Variants in ITGA9 observed in about 807,000 individuals in gnomAD.
ITGA9 encodes integrin subunit alpha 9.
In ITGA9, 56 loss-of-function variants were observed where a neutral mutation model predicts 127.8. That is an observed-to-expected ratio of 0.44 (90% confidence interval 0.35 to 0.55). The LOEUF is 0.55. Among genes scored for constraint, ITGA9 ranks in the 20% least tolerant of loss-of-function variants. The pLI is 0.00. For missense variants in ITGA9, 1,196 were observed against 1,347.1 expected (o/e 0.89, Z 1.76); for synonymous variants, 508 against 514.5 (o/e 0.99, Z 0.17).
At chr3:37,591,438 CT>C (rs1178308406) in intron 15 of ITGA9, among the ~76,000 whole-genome samples, 2 of 152,204 alleles carry the variant, frequency 1.3e-5, no homozygotes, top group Non-Finnish European at 2.9e-5. Context: ...GAGTGCCCCC[CT>C]GGCTGTATAT....
At chr3:37,784,854 C>G in intron 25 of ITGA9, 123 bp from the exon 26 acceptor site, 1 of 755,896 alleles carries the variant, frequency 1.3e-6, no homozygotes, top group Non-Finnish European at 2.4e-6. Context: ...GTATCTAGTT[C>G]AATGATAAAA....
At chr3:37,500,988 A>AT (rs1172146794) in intron 5 of ITGA9, among the ~76,000 whole-genome samples, 4 of 151,814 alleles carry the variant, frequency 2.6e-5, no homozygotes, top group African/African-American at 4.8e-5. Flanking sequence ...TTTGCATAGA[A>AT]TTTTTTTCTG....
intron 2 of ITGA9, among the ~76,000 whole-genome samples, chr3:37,472,103 A>C (rs559998274): frequency 1.1e-4 from 16 of 152,276 alleles, no homozygotes; most frequent in Non-Finnish European, 1.9e-4. Context: ...TCTAGCAGAA[A>C]ATATAAGATC....
In ITGA9 at chr3:37,756,864, A is replaced by C. The variant is rs1440280583; in HGVS notation, c.2541+6295A>C. ...AAGCTAAAAACAAAAGGTTAGGCAA[A>C]CAACCAACCAAAAACAAATCCACTT... On this transcript the variant is annotated intron_variant, in intron 23 of 27. Transcript: ENST00000264741. Among the ~76,000 whole-genome samples the C allele has an allele frequency of 3.3e-5, 5 of 152,386 alleles. No individual in the cohort carries two copies. The South Asian group carries it at 8.3e-4, about 25-fold the overall frequency.
chr3:37,678,548 G>C (rs559562350), intron 17 of ITGA9, among the ~76,000 whole-genome samples: 1 of 152,074 alleles, frequency 6.6e-6, no homozygotes, highest in Admixed American at 6.5e-5. Flanking sequence ...TAATAATGAT[G>C]GTGTAATGAG....
chr3:37,728,786 T>A (rs1696248395), intron 18 of ITGA9, among the ~76,000 whole-genome samples: 3 of 151,724 alleles, frequency 2.0e-5, no homozygotes, highest in African/African-American at 7.3e-5. Flanking sequence ...GAGTATTATC[T>A]GAGTTCAGGT....
At chr3:37,601,571 C>CT (rs1699922753) in intron 15 of ITGA9, among the ~76,000 whole-genome samples, 2 of 152,002 alleles carry the variant, frequency 1.3e-5, no homozygotes, top group Non-Finnish European at 2.9e-5. Flanking sequence ...CCAGAAGCAA[C>CT]TTACATGTAG....
chr3:37,820,903 C>T lies in ITGA9; in HGVS notation c.*1914C>T, dbSNP rs183811300. On this transcript the variant is annotated 3_prime_UTR_variant, in exon 28 of 28. Transcript: ENST00000264741. ...GAGTCCGTGAACATTGTCAAAAAGA[C>T]ATCAAACTCAACTTCTGGGAAGACA... 6.6e-6 allele frequency: 1 copy of T among 152,322 alleles called. No homozygotes were observed. Among genetic ancestry groups the T allele is most frequent in the Admixed American group, 6.5e-5 (1 of 15,302 alleles). The allele number at this position is 152,322 out of a possible 1,614,324, so 9.4% of individuals were successfully genotyped here.
intron 18 of ITGA9, among the ~76,000 whole-genome samples, chr3:37,722,311 G>C (rs1334394106): frequency 6.6e-6 from 1 of 152,222 alleles, no homozygotes; most frequent in Admixed American, 6.5e-5. Context: ...GATTCGTTGA[G>C]ATATAGTTCA....
At chr3:37,617,770 G>T (rs1463298470) in intron 15 of ITGA9, among the ~76,000 whole-genome samples, 1 of 152,092 alleles carries the variant, frequency 6.6e-6, no homozygotes, top group Non-Finnish European at 1.5e-5. Flanking sequence ...ACTGAGGCTT[G>T]GGCATTCGTC....
intron 15 of ITGA9, among the ~76,000 whole-genome samples, chr3:37,628,234 C>T (rs1700195860): frequency 6.6e-6 from 1 of 152,166 alleles, no homozygotes; most frequent in South Asian, 2.1e-4. Flanking sequence ...ACTTGCCCTG[C>T]TCCACTTGGA....
chr3:37,818,702 C>T (rs1207388256), intron 27 of ITGA9, 189 bp from the exon 28 acceptor site: 4 of 635,452 alleles, frequency 6.3e-6, no homozygotes, highest in Non-Finnish European at 1.1e-5. Context: ...GCAGGAAGTC[C>T]ATGCATTTTG....
chr3:37,531,352 A>G (rs1699150296), intron 13 of ITGA9, among the ~76,000 whole-genome samples: 1 of 152,214 alleles, frequency 6.6e-6, no homozygotes, highest in Non-Finnish European at 1.5e-5. Flanking sequence ...TCCAAAAACA[A>G]TACTTGGAGT....
At chr3:37,722,382 A>T (rs1231019316) in intron 18 of ITGA9, among the ~76,000 whole-genome samples, 1 of 152,190 alleles carries the variant, frequency 6.6e-6, no homozygotes, top group Non-Finnish European at 1.5e-5. Flanking sequence ...ATATTTTCAG[A>T]GTTGTGCATC....
intron 1 of ITGA9, among the ~76,000 whole-genome samples, chr3:37,466,695 T>C (rs1698376735): frequency 1.3e-5 from 2 of 152,122 alleles, no homozygotes; most frequent in South Asian, 4.1e-4. Context: ...TGCATTCTGA[T>C]TTAATGGGCT....
At chr3:37,717,422 C>T (rs914763127) in intron 18 of ITGA9, among the ~76,000 whole-genome samples, 5 of 152,140 alleles carry the variant, frequency 3.3e-5, no homozygotes, top group African/African-American at 7.2e-5. Context: ...ACTGCTATAA[C>T]GAACTACCCG....
At position 37,715,032 on chromosome 3, in the gene ITGA9, G is replaced by A. The variant is rs187055563; in HGVS notation, c.2068-17680G>A. ...CATAATACTGGATTGAGGATGAGAA[G>A]CATCAATCTGTTCATCCTAGCAAAA... is the stretch of plus-strand genomic sequence containing the variant. On this transcript the variant is annotated intron_variant, in intron 18 of 27. Transcript: ENST00000264741. Among the ~76,000 whole-genome samples the A allele has an allele frequency of 2.1e-3, 327 of 152,296 alleles. 1 individual carries two copies. Among genetic ancestry groups the A allele is most frequent in the African/African-American group, 7.5e-3 (313 of 41,560 alleles).
intron 17 of ITGA9, among the ~76,000 whole-genome samples, chr3:37,675,673 C>T (rs555815542): frequency 6.7e-6 from 1 of 150,344 alleles, no homozygotes; most frequent in East Asian, 2.0e-4. Context: ...CAGCATTTCA[C>T]AATATTCACT....
At chr3:37,501,504 A>G (rs1698786618) in intron 5 of ITGA9, among the ~76,000 whole-genome samples, 1 of 152,216 alleles carries the variant, frequency 6.6e-6, no homozygotes, top group African/African-American at 2.4e-5. Flanking sequence ...ACAAATGTGT[A>G]TACCATGTCG....
Sources: allele counts gnomAD v4.1 joint callset (sites outside exome capture counted in the v4.1 genomes callset), GRCh38; gene constraint gnomAD v4.1.1; transcripts MANE v1.5; gene names NCBI Gene and HGNC (gene_info 2026-07-23, HGNC 2026-07-21).